Variants in JAKMIP1 observed in about 807,000 individuals in gnomAD.
The protein encoded by JAKMIP1 is janus kinase and microtubule-interacting protein 1.
JAKMIP1 carries 33 observed loss-of-function variants against 113.0 expected under a neutral mutation model. The ratio of observed to expected loss-of-function variants is 0.29; its 90% CI spans 0.22 to 0.39. JAKMIP1 has a LOEUF of 0.39. Ranked by LOEUF, JAKMIP1 falls within the 10% of genes least tolerant of loss-of-function variation. The probability of loss-of-function intolerance (pLI) is 1.00; values close to 1 mark genes in which losing one functional copy is unlikely to be tolerated. For missense variants in JAKMIP1, 813 were observed against 1,080.5 expected (o/e 0.75, Z 3.47); for synonymous variants, 480 against 459.9 (o/e 1.04, Z -0.56).
rs1719471388 is a variant in JAKMIP1, at chr4:6,137,831, G to A, written c.-147-24834C>T. On this transcript the variant is annotated intron_variant, in intron 1 of 20. Transcript: ENST00000409021. The surrounding 1 kb of genome is among the most constrained non-coding windows in gnomAD (Gnocchi z 4.5). ...GGACAAGGTGCCCACTGGCTGGCAT[G>A]GGCCTGGCAGACAAGGTGTGCTCTG... 6.6e-6 allele frequency among the ~76,000 whole-genome samples: 1 copy of A among 152,244 alleles called. No individual in the cohort carries two copies. Among genetic ancestry groups the A allele is most frequent in the African/African-American group, 2.4e-5 (1 of 41,456 alleles).
In JAKMIP1 at chr4:6,105,685, C is replaced by T. The variant is rs2108875120; in HGVS notation, c.412G>A (p.Glu138Lys). ...VKTALLTEAR[E>K]EARRAFDGER... The stretch of plus-strand genomic sequence containing the variant: ...CCATCGAAGGCCCTGCGCGCCTCCT[C>T]GCGCGCCTCGGTCAGCAGCGCCGTC... The change falls in exon 3 of 21, where the codon GAG (glutamate) becomes AAG (lysine). Residue 138 changes from glutamate (E) to lysine (K), a missense_variant. By Grantham distance (56) the Glu-to-Lys change is moderately conservative (BLOSUM62 1). Coordinates refer to ENST00000409021, the MANE Select transcript of JAKMIP1 (RefSeq NM_001099433.2). 4 of 1,602,796 alleles carry T rather than the reference C, an allele frequency of 2.5e-6. No homozygotes were observed. Among genetic ancestry groups the T allele is most frequent in the Non-Finnish European group, 3.4e-6 (4 of 1,177,294 alleles).
chr4:6,048,733 C>T (rs1398470282), intron 16 of JAKMIP1, 124 bp downstream of exon 16: 9 of 745,276 alleles, frequency 1.2e-5, no homozygotes, highest in Admixed American at 6.9e-5. Flanking sequence ...TGCATGTGCA[C>T]GTGCAGACGC....
rs2109062564 is a variant in JAKMIP1 at position 6,192,754 on chromosome 4, G to C, written c.-148+7499C>G. ...AGTGCTTGATTCTAGCTTCTGGGGA[G>C]GGGAAATGAGAATAAAATCATTTCA... On this transcript the variant is annotated intron_variant, in intron 1 of 20. Coordinates refer to ENST00000409021, the MANE Select transcript of JAKMIP1 (RefSeq NM_001099433.2). The surrounding 1 kb of genome is among the most constrained non-coding windows in gnomAD (Gnocchi z 5.0). Among the ~76,000 whole-genome samples, 1 of 152,260 alleles carries C rather than the reference G, an allele frequency of 6.6e-6. No individual in the cohort carries two copies. The highest frequency in any genetic ancestry group is 2.1e-4 in the South Asian group (1 of 4,822).
Position 6,099,722 on chromosome 4 carries a change from G to T in JAKMIP1, c.624+5751C>A, listed in dbSNP as rs76100748. 9.7e-3 allele frequency among the ~76,000 whole-genome samples: 1,482 copies of T among 152,286 alleles called. 17 individuals carry two copies. The highest frequency in any genetic ancestry group is 0.015 in the Non-Finnish European group (1,039 of 68,030). On this transcript the variant is annotated intron_variant, in intron 3 of 20. Coordinates refer to ENST00000409021, the MANE Select transcript of JAKMIP1 (RefSeq NM_001099433.2). ...TATCTGGCATTGTTTCTCTTCACCT[G>T]CAGAACCTCCTTTAGCATTTTTGGT...
rs550121674 is a variant in JAKMIP1 at position 6,156,871 on chromosome 4, C to T, written c.-148+43382G>A. Among the ~76,000 whole-genome samples, 1 of 152,340 alleles carries T rather than the reference C, an allele frequency of 6.6e-6. No homozygotes were observed. The highest frequency in any genetic ancestry group is 1.9e-4 in the East Asian group (1 of 5,186). The stretch of plus-strand genomic sequence containing the variant: ...GGTCACGTTACAATTGTTCAGTAGA[C>T]CCACACCCCATTGGCCAACAGCCAC... On this transcript the variant is annotated intron_variant, in intron 1 of 20. Transcript: ENST00000409021. The surrounding 1 kb of genome is among the most constrained non-coding windows in gnomAD (Gnocchi z 5.0).
In JAKMIP1 at chr4:6,056,762, A is replaced by G. The variant is rs759219285; in HGVS notation, c.1645-3T>C. 6.2e-7 allele frequency: 1 copy of G among 1,604,686 alleles called. No individual in the cohort carries two copies. Among genetic ancestry groups the G allele is most frequent in the East Asian group, 2.2e-5 (1 of 44,846 alleles). On this transcript the variant is annotated splice_region_variant and splice_polypyrimidine_tract_variant and intron_variant, in intron 11 of 20. Transcript: ENST00000409021. ...TTCTCTTCAACCCACTTGGAATCCT[A>G]AGGAAAAGTACTAAATATGGTCACA...
intron 1 of JAKMIP1, among the ~76,000 whole-genome samples, chr4:6,146,230 G>GT (rs553664400): frequency 1.0e-4 from 1 of 9,570 alleles, no homozygotes; most frequent in Non-Finnish European, 8.6e-3. Context: ...GCCAGGGGCT[G>GT]GGGGGAGGTT....
At chr4:6,098,093 G>A (rs1712138075) in intron 3 of JAKMIP1, among the ~76,000 whole-genome samples, 2 of 152,158 alleles carry the variant, frequency 1.3e-5, no homozygotes, top group Admixed American at 1.3e-4. Flanking sequence ...CCAAAACCAC[G>A]CCTGCCTGAG....
At chr4:6,035,799 C>T (rs1429262309) in intron 19 of JAKMIP1, 105 bp downstream of exon 19, 12 of 975,346 alleles carry the variant, frequency 1.2e-5, no homozygotes, top group Non-Finnish European at 1.8e-5. Flanking sequence ...ACCAACTCTC[C>T]CTGGAATGAG....
At chr4:6,038,353 C>G (rs1431333515) in intron 18 of JAKMIP1, among the ~76,000 whole-genome samples, 19 of 128,994 alleles carry the variant, frequency 1.5e-4, no homozygotes, top group Admixed American at 1.4e-3. Flanking sequence ...AGAGGTTAAC[C>G]CAGTAGCCCT....
At position 6,112,846 on chromosome 4, in the gene JAKMIP1, G is replaced by A. The variant is rs141392058; in HGVS notation, c.5C>T (p.Ser2Leu). M[S>L]KKGRSKGEKP... ...CTCGCCCTTGCTCCGGCCTTTCTTC[G>A]ACATGCTTCCCCTTGGGTCAGAGTG... The change falls in exon 2 of 21, where the codon TCG becomes TTG. Residue 2 changes from serine (S) to leucine (L), a missense_variant. This residue lies in a region of JAKMIP1 where 540 missense variants were observed against 653.9 expected (regional missense o/e 0.83). Coordinates refer to ENST00000409021, the MANE Select transcript of JAKMIP1 (RefSeq NM_001099433.2). 3.7e-4 allele frequency: 595 copies of A among 1,613,626 alleles called. No individual in the cohort carries two copies. The highest frequency in any genetic ancestry group is 4.6e-4 in the Non-Finnish European group (542 of 1,179,936).
At chr4:6,109,393 A>G (rs1215305028) in intron 2 of JAKMIP1, among the ~76,000 whole-genome samples, 1 of 151,698 alleles carries the variant, frequency 6.6e-6, no homozygotes, top group African/African-American at 2.4e-5. Context: ...TTGGCCTCCC[A>G]AAGTGCTGAG....
At chr4:6,125,345 C>T (rs1285621385) in intron 1 of JAKMIP1, among the ~76,000 whole-genome samples, 2 of 152,098 alleles carry the variant, frequency 1.3e-5, no homozygotes, top group Non-Finnish European at 2.9e-5. Context: ...AAGCCCCTCC[C>T]CGCAGACAGG....
At chr4:6,119,389 T>C (rs1267594917) in intron 1 of JAKMIP1, among the ~76,000 whole-genome samples, 1 of 152,028 alleles carries the variant, frequency 6.6e-6, no homozygotes, top group Non-Finnish European at 1.5e-5. Flanking sequence ...CGGCTAAATG[T>C]ACAAATTAGC....
chr4:6,136,008 G>A lies in JAKMIP1; in HGVS notation c.-147-23011C>T, dbSNP rs1441905364. On this transcript the variant is annotated intron_variant, in intron 1 of 20. Transcript: ENST00000409021. The surrounding 1 kb of genome is among the most constrained non-coding windows in gnomAD (Gnocchi z 5.9). ...CACCTGTAATCCCAGCACTTTGAGA[G>A]GCCAAGGTGGGTGGATCACTTGAGG... is the stretch of plus-strand genomic sequence containing the variant. Among the ~76,000 whole-genome samples, 1 of 152,148 alleles carries A rather than the reference G, an allele frequency of 6.6e-6. No individual in the cohort carries two copies. The highest frequency in any genetic ancestry group is 1.9e-4 in the East Asian group (1 of 5,194).
rs1414533417 is a variant in JAKMIP1 at position 6,051,736 on chromosome 4, A to C, written c.1807-1057T>G. 5.3e-5 allele frequency among the ~76,000 whole-genome samples: 8 copies of C among 152,272 alleles called. No homozygotes were observed. The highest frequency in any genetic ancestry group is 5.2e-4 in the Admixed American group (8 of 15,292). On this transcript the variant is annotated intron_variant, in intron 13 of 20. Transcript: ENST00000409021. The surrounding 1 kb of genome is among the most constrained non-coding windows in gnomAD (Gnocchi z 5.0). ...ATTTATTAATCATACATAAATGACAAGGTTTTAAAAGGTCGGGAAAACCTA... is the reference window on the plus strand; with the variant it reads ...ATTTATTAATCATACATAAATGACACGGTTTTAAAAGGTCGGGAAAACCTA...
rs894662112 is a variant in JAKMIP1 at position 6,080,446 on chromosome 4, T to C, written c.1102-134A>G. The C allele has an allele frequency of 2.7e-6, 3 of 1,105,160 alleles. No homozygotes were observed. Among genetic ancestry groups the C allele is most frequent in the African/African-American group, 3.2e-5 (2 of 63,424 alleles). 68.5% of individuals were successfully genotyped at this position (1,105,160 alleles called of 1,614,324 possible). On this transcript the variant is annotated intron_variant, in intron 6 of 20. Transcript: ENST00000409021. This position sits in a 1 kb window ranked among gnomAD's most constrained non-coding sequence, Gnocchi z 6.0. ...GGATGAAAGAGATGATGGCCTGATA[T>C]GGTTTGGCTGTGTCCCCACCCAAAT...
Position 6,139,348 on chromosome 4 carries a change from C to G in JAKMIP1, c.-147-26351G>C, listed in dbSNP as rs1719754668. Among the ~76,000 whole-genome samples, 1 of 152,176 alleles carries G rather than the reference C, an allele frequency of 6.6e-6. No homozygotes were observed. Among genetic ancestry groups the G allele is most frequent in the African/African-American group, 2.4e-5 (1 of 41,404 alleles). ...ATTGTGTCACTCCCAAATTCATACG[C>G]TGAGGTCCTAACCCCCAGTACCCTC... On this transcript the variant is annotated intron_variant, in intron 1 of 20. Coordinates refer to ENST00000409021, the MANE Select transcript of JAKMIP1 (RefSeq NM_001099433.2). The surrounding 1 kb of genome is among the most constrained non-coding windows in gnomAD (Gnocchi z 5.2).
Position 6,085,408 on chromosome 4 carries a change from G to A in JAKMIP1, c.834+12C>T. The A allele has an allele frequency of 6.2e-7, 1 of 1,610,236 alleles. No homozygotes were observed. The highest frequency in any genetic ancestry group is 1.3e-5 in the African/African-American group (1 of 75,012). The stretch of plus-strand genomic sequence containing the variant: ...GACCAGCCTGAGGCTGGCACAAGCT[G>A]CTGCCCCTCACCTGGACGCCCATGA... On this transcript the variant is annotated intron_variant, in intron 4 of 20. Transcript: ENST00000409021.
Sources: allele counts gnomAD v4.1 joint callset (sites outside exome capture counted in the v4.1 genomes callset), GRCh38; gene constraint gnomAD v4.1.1; regional missense constraint gnomAD v4.1.1; non-coding constraint Gnocchi (gnomAD v3.1); transcripts MANE v1.5; gene names NCBI Gene and HGNC (gene_info 2026-07-23, HGNC 2026-07-21).